The following LPP variants were observed in gnomAD, a reference collection of about 807,000 sequenced individuals.
LPP encodes LIM domain containing preferred translocation partner in lipoma, also known as lipoma-preferred partner.
In LPP, 38 loss-of-function variants were observed where a neutral mutation model predicts 60.4. The observed-to-expected ratio is 0.63, with a 90% CI of 0.49 to 0.83. The LOEUF (loss-of-function observed/expected upper bound fraction) is 0.83, where lower values mean the gene tolerates loss of function less well. Ranked by LOEUF, LPP falls within the 40% of genes least tolerant of loss-of-function variation. LPP has a pLI of 0.00. For missense variants in LPP, 902 were observed against 783.6 expected (o/e 1.15, Z -1.80); for synonymous variants, 328 against 290.8 (o/e 1.13, Z -1.30).
Position 188,530,289 on chromosome 3 carries a change from A to G in LPP, c.429+5502A>G, listed in dbSNP as rs114554203. 3.9e-3 allele frequency among the ~76,000 whole-genome samples: 594 copies of G among 152,364 alleles called. 6 individuals carry two copies. Among genetic ancestry groups the G allele is most frequent in the African/African-American group, 0.014 (574 of 41,588 alleles). Reference sequence around the variant, plus strand: ...GATTTTGGAGTAATGACTTTAGCTTACAGCTACTTTATAAAAAAATCCTCC... The same window carrying G: ...GATTTTGGAGTAATGACTTTAGCTTGCAGCTACTTTATAAAAAAATCCTCC... On this transcript the variant is annotated intron_variant, in intron 6 of 11. Transcript: ENST00000617246.
At chr3:188,736,482 T>C (rs1722553347) in intron 8 of LPP, among the ~76,000 whole-genome samples, 1 of 152,126 alleles carries the variant, frequency 6.6e-6, no homozygotes. Context: ...ATAATTGAAA[T>C]CTAGTTTTTC....
intron 2 of LPP, among the ~76,000 whole-genome samples, chr3:188,301,820 A>AT (rs565307402): frequency 4.0e-4 from 61 of 151,668 alleles, no homozygotes; most frequent in African/African-American, 1.4e-3. Flanking sequence ...TGCCCAGCTA[A>AT]TTTTTTTTGT....
chr3:188,649,672 A>T (rs949566261), intron 7 of LPP, among the ~76,000 whole-genome samples: 1 of 152,050 alleles, frequency 6.6e-6, no homozygotes, highest in Non-Finnish European at 1.5e-5. Flanking sequence ...TTATTATTAT[A>T]TAAAGCCTTG....
At chr3:188,183,412 G>A (rs1387103541) in intron 1 of LPP, among the ~76,000 whole-genome samples, 29 of 152,170 alleles carry the variant, frequency 1.9e-4, no homozygotes, top group Admixed American at 1.8e-3. Flanking sequence ...CACCTGTAAA[G>A]GCAGGTGTGA....
intron 3 of LPP, among the ~76,000 whole-genome samples, chr3:188,372,336 C>T (rs1451013277): frequency 6.6e-6 from 1 of 151,928 alleles, no homozygotes; most frequent in Non-Finnish European, 1.5e-5. Context: ...AAATAATTCA[C>T]GATATTTCAT....
chr3:188,790,420 C>T (rs1018499446), intron 9 of LPP, among the ~76,000 whole-genome samples: 1 of 151,850 alleles, frequency 6.6e-6, no homozygotes, highest in African/African-American at 2.4e-5. Flanking sequence ...AAGTATTACC[C>T]AATCTTTTAG....
chr3:188,309,963 T>G (rs141731662), intron 2 of LPP, among the ~76,000 whole-genome samples: 1 of 152,128 alleles, frequency 6.6e-6, no homozygotes, highest in African/African-American at 2.4e-5. Flanking sequence ...ATTAATACCA[T>G]TGTCCTTATT....
chr3:188,193,456 G>A (rs1728721328), intron 1 of LPP, among the ~76,000 whole-genome samples: 1 of 152,232 alleles, frequency 6.6e-6, no homozygotes, highest in Non-Finnish European at 1.5e-5. Context: ...GGTTAAATGA[G>A]TTCATATTTC....
intron 9 of LPP, among the ~76,000 whole-genome samples, chr3:188,819,499 T>C (rs538433530): frequency 6.6e-6 from 1 of 152,258 alleles, no homozygotes; most frequent in African/African-American, 2.4e-5. Context: ...AATGTAGCTT[T>C]CAAAAAAATG....
intron 6 of LPP, among the ~76,000 whole-genome samples, chr3:188,564,350 C>A (rs151036139): frequency 5.3e-5 from 8 of 151,946 alleles, no homozygotes; most frequent in Non-Finnish European, 1.0e-4. Context: ...TATTACAGAT[C>A]GCAGAGGAGC....
chr3:188,674,369 C>T (rs1857554011), intron 7 of LPP, among the ~76,000 whole-genome samples: 1 of 152,166 alleles, frequency 6.6e-6, no homozygotes, highest in African/African-American at 2.4e-5. Flanking sequence ...AATTCCTCTT[C>T]TTTCTCTCTT....
chr3:188,856,531 C>A (rs959086377), intron 9 of LPP, among the ~76,000 whole-genome samples: 5 of 152,280 alleles, frequency 3.3e-5, no homozygotes, highest in South Asian at 2.1e-4. Context: ...ATAACAATAT[C>A]TTTATATCTA....
intron 3 of LPP, among the ~76,000 whole-genome samples, chr3:188,379,986 T>C (rs1166328069): frequency 6.6e-6 from 1 of 152,180 alleles, no homozygotes; most frequent in Non-Finnish European, 1.5e-5. Flanking sequence ...TGCTTGGACT[T>C]TTTCTGAGAT....
chr3:188,559,697 C>T (rs1303688531), intron 6 of LPP, among the ~76,000 whole-genome samples: 1 of 152,018 alleles, frequency 6.6e-6, no homozygotes, highest in Admixed American at 6.6e-5. Context: ...TATATTTATA[C>T]ATATTTTATT....
chr3:188,862,781 GAGAA>G (rs1233302881), intron 9 of LPP, among the ~76,000 whole-genome samples: 10 of 143,186 alleles, frequency 7.0e-5, no homozygotes, highest in South Asian at 4.6e-4. Flanking sequence ...GAGAGAGAGA[GAGAA>G]AGAAAGAAAG....
intron 4 of LPP, among the ~76,000 whole-genome samples, chr3:188,473,365 A>C (rs988351273): frequency 6.6e-6 from 1 of 152,200 alleles, no homozygotes; most frequent in Admixed American, 6.5e-5. Context: ...TTATATCCAG[A>C]ATCACATATT....
intron 2 of LPP, among the ~76,000 whole-genome samples, chr3:188,274,892 G>T (rs1391042100): frequency 2.6e-5 from 4 of 152,224 alleles, no homozygotes; most frequent in Non-Finnish European, 5.9e-5. Context: ...GAAAAGGGTA[G>T]TTTCTGAACT....
intron 3 of LPP, among the ~76,000 whole-genome samples, chr3:188,378,100 G>A (rs981335430): frequency 1.3e-5 from 2 of 152,204 alleles, no homozygotes; most frequent in Non-Finnish European, 2.9e-5. Context: ...GCCGTGTGAG[G>A]TGTCCGTCTG....
chr3:188,635,225 C>T (rs1156368190), intron 7 of LPP, among the ~76,000 whole-genome samples: 2 of 152,180 alleles, frequency 1.3e-5, no homozygotes, highest in Non-Finnish European at 2.9e-5. Flanking sequence ...ATTCAGAAGT[C>T]TCTAACTCAC....
Sources: gnomAD v4.1 joint callset for allele counts (sites outside exome capture counted in the v4.1 genomes callset) on GRCh38, gnomAD v4.1.1 for gene constraint, MANE v1.5 for transcripts, NCBI Gene and HGNC (gene_info 2026-07-23, HGNC 2026-07-21) for gene names.